CDH10: variants seen among roughly 807,000 people sequenced by gnomAD.
CDH10 encodes cadherin 10, also known as cadherin-10.
Under a neutral mutation model 73.1 loss-of-function variants are expected in CDH10, and 30 were observed. That is an observed-to-expected ratio of 0.41 (90% CI 0.31 to 0.56). The LOEUF is 0.56. Among genes scored for constraint, CDH10 ranks in the 20% least tolerant of loss-of-function variants. The pLI, the probability that CDH10 is intolerant of heterozygous loss-of-function variation, is 0.27. For missense variants in CDH10, 815 were observed against 973.7 expected (o/e 0.84, Z 2.17); for synonymous variants, 345 against 348.2 (o/e 0.99, Z 0.10).
chr5:24,616,419 C>T (rs941137705), intron 1 of CDH10, among the ~76,000 whole-genome samples: 1 of 151,222 alleles, frequency 6.6e-6, no homozygotes, highest in Non-Finnish European at 1.5e-5. Context: ...ACTTGGGGGT[C>T]GGATTTAGGT....
intron 1 of CDH10, among the ~76,000 whole-genome samples, chr5:24,618,041 A>G (rs1169742562): frequency 6.6e-6 from 1 of 152,184 alleles, no homozygotes; most frequent in African/African-American, 2.4e-5. Context: ...CCTCAATTCA[A>G]GAGTGTCCAA....
In CDH10 at chr5:24,644,806, C is replaced by T. The variant is rs1346313564; in HGVS notation, c.-336G>A. 1 of 144,724 alleles carries T rather than the reference C, an allele frequency of 6.9e-6. No homozygotes were observed. Among genetic ancestry groups the T allele is most frequent in the Non-Finnish European group, 1.5e-5 (1 of 66,872 alleles). 9.0% of individuals were successfully genotyped at this position (144,724 alleles called of 1,614,324 possible). A position where few individuals can be genotyped will look rare whatever the true frequency, so the allele number is the denominator to read the frequency against. Reference sequence around the variant, plus strand: ...GGGCGAGCTCTCTCTGATTGGCTTTCATTCAGTGCTTCTGATTAAGGGGAA... The same window carrying T: ...GGGCGAGCTCTCTCTGATTGGCTTTTATTCAGTGCTTCTGATTAAGGGGAA... On this transcript the variant is annotated 5_prime_UTR_variant, in exon 1 of 12. The change abolishes an upstream ATG in the 5' untranslated region. Coordinates refer to ENST00000264463, the MANE Select transcript of CDH10 (RefSeq NM_006727.5).
intron 8 of CDH10, among the ~76,000 whole-genome samples, chr5:24,502,865 AG>A (rs1232139995): frequency 6.6e-6 from 1 of 152,202 alleles, no homozygotes; most frequent in Non-Finnish European, 1.5e-5. Flanking sequence ...TAGAAATAAA[AG>A]CTTTCCTTAG....
intron 2 of CDH10, among the ~76,000 whole-genome samples, chr5:24,547,461 T>C (rs1744385425): frequency 6.6e-6 from 1 of 152,082 alleles, no homozygotes; most frequent in Non-Finnish European, 1.5e-5. Context: ...TGAGTATCTG[T>C]AACTGGCCAA....
In CDH10 at chr5:24,504,510, T is replaced by G. The variant is rs1420089050; in HGVS notation, c.1393+602A>C. On this transcript the variant is annotated intron_variant, in intron 8 of 11. Transcript: ENST00000264463. Reference sequence around the variant, plus strand: ...AAATGCTTTTCTCCTATTAATCTTTTTTTTTTTTTTTTTTTTTTTTTTTTT... The same window carrying G: ...AAATGCTTTTCTCCTATTAATCTTTGTTTTTTTTTTTTTTTTTTTTTTTTT... Among the ~76,000 whole-genome samples, 66 of 16,488 alleles carry G rather than the reference T, an allele frequency of 4.0e-3. 19 individuals are homozygous for G. The highest frequency in any genetic ancestry group is 0.015 in the South Asian group (6 of 388). The allele number at this position is 16,488 out of a possible 152,430, so 10.8% of individuals were successfully genotyped here.
chr5:24,494,126 T>A (rs1742171012), intron 9 of CDH10, among the ~76,000 whole-genome samples: 1 of 151,784 alleles, frequency 6.6e-6, no homozygotes, highest in South Asian at 2.1e-4. Context: ...AAAACATCAT[T>A]TAAAACTTTG....
At chr5:24,512,470 G>A (rs1404171569) in intron 5 of CDH10, among the ~76,000 whole-genome samples, 1 of 152,066 alleles carries the variant, frequency 6.6e-6, no homozygotes, top group African/African-American at 2.4e-5. Flanking sequence ...CAACTGCATG[G>A]CAGAACATTA....
chr5:24,622,554 T>C (rs1010612445), intron 1 of CDH10, among the ~76,000 whole-genome samples: 4 of 152,194 alleles, frequency 2.6e-5, no homozygotes, highest in Admixed American at 6.5e-5. Context: ...TGGATTACCA[T>C]TCTAAAGCCC....
intron 5 of CDH10, among the ~76,000 whole-genome samples, chr5:24,531,236 G>C (rs996384702): frequency 2.6e-5 from 4 of 151,916 alleles, no homozygotes; most frequent in Non-Finnish European, 4.4e-5. Flanking sequence ...TGCTTACATT[G>C]GAATTGTCTC....
At chr5:24,507,142 T>C (rs1287528258) in intron 7 of CDH10, among the ~76,000 whole-genome samples, 1 of 152,122 alleles carries the variant, frequency 6.6e-6, no homozygotes, top group African/African-American at 2.4e-5. Flanking sequence ...ATTTATAGCA[T>C]GTCAAGTATG....
At chr5:24,626,599 A>G (rs1212735607) in intron 1 of CDH10, among the ~76,000 whole-genome samples, 2 of 151,986 alleles carry the variant, frequency 1.3e-5, no homozygotes, top group Non-Finnish European at 2.9e-5. Context: ...TAGATTTCTA[A>G]TAGTAAATTT....
chr5:24,547,067 C>A (rs1744370367), intron 2 of CDH10, among the ~76,000 whole-genome samples: 1 of 152,162 alleles, frequency 6.6e-6, no homozygotes, highest in Admixed American at 6.5e-5. Flanking sequence ...TACAGGACTT[C>A]CAGTTAACTA....
intron 8 of CDH10, among the ~76,000 whole-genome samples, chr5:24,504,506 CTTTTT>C (rs70965605): frequency 0.015 from 999 of 65,136 alleles, 289 homozygotes; most frequent in African/African-American, 0.052. Flanking sequence ...TCCTATTAAT[CTTTTT>C]TTTTTTTTTT....
chr5:24,547,316 A>C (rs1049033073), intron 2 of CDH10, among the ~76,000 whole-genome samples: 3 of 152,156 alleles, frequency 2.0e-5, no homozygotes, highest in Admixed American at 1.3e-4. Flanking sequence ...TCATATTGCC[A>C]GGGCCAAATT....
At chr5:24,588,242 C>T (rs897189964) in intron 2 of CDH10, among the ~76,000 whole-genome samples, 1 of 152,128 alleles carries the variant, frequency 6.6e-6, no homozygotes, top group African/African-American at 2.4e-5. Context: ...TTTCCTAATG[C>T]ATTTATCTCT....
intron 7 of CDH10, among the ~76,000 whole-genome samples, chr5:24,507,092 C>A (rs1298250397): frequency 2.0e-5 from 3 of 152,044 alleles, no homozygotes; most frequent in Non-Finnish European, 1.5e-5. Flanking sequence ...TTAAGAAAAT[C>A]CCTTTGATTA....
intron 1 of CDH10, among the ~76,000 whole-genome samples, chr5:24,600,035 C>T (rs980660278): frequency 6.6e-6 from 1 of 152,104 alleles, no homozygotes; most frequent in Non-Finnish European, 1.5e-5. Context: ...CAGAAAGGGG[C>T]CAGATTGTAA....
At chr5:24,576,892 C>A (rs1745626345) in intron 2 of CDH10, among the ~76,000 whole-genome samples, 1 of 151,526 alleles carries the variant, frequency 6.6e-6, no homozygotes. Context: ...CACTAATGAG[C>A]AATATTGAAA....
At chr5:24,639,783 C>T (rs898665985) in intron 1 of CDH10, among the ~76,000 whole-genome samples, 3 of 151,794 alleles carry the variant, frequency 2.0e-5, no homozygotes, top group African/African-American at 7.2e-5. Context: ...AATCAGGGCT[C>T]TGTCAAACCA....
Sources: gnomAD v4.1 joint callset for allele counts (sites outside exome capture counted in the v4.1 genomes callset) on GRCh38, gnomAD v4.1.1 for gene constraint, MANE v1.5 for transcripts, NCBI Gene and HGNC (gene_info 2026-07-23, HGNC 2026-07-21) for gene names.